The following ENO4 variants were observed in gnomAD, a reference collection of about 807,000 sequenced individuals.
ENO4 encodes the protein 2-phospho-D-glycerate hydro-lyase.
Under a neutral mutation model 63.2 loss-of-function variants are expected in ENO4, and 53 were observed. That is an observed-to-expected ratio of 0.84 (90% confidence interval 0.67 to 1.05). The LOEUF (loss-of-function observed/expected upper bound fraction) is 1.05. ENO4 is among the 50% of genes least tolerant of loss of function. ENO4 has a pLI of 0.00. For synonymous variants in ENO4, 266 were observed against 283.8 expected (o/e 0.94, Z 0.63); for missense variants, 719 against 772.0 (o/e 0.93, Z 0.81).
rs1846398265 is a variant in ENO4 at position 116,861,146 on chromosome 10, A to G, written c.892A>G (p.Lys298Glu). The G allele has an allele frequency of 6.5e-7, 1 of 1,546,376 alleles. No homozygotes were observed. The highest frequency in any genetic ancestry group is 1.2e-5 in the South Asian group (1 of 83,744). The part of the protein sequence containing the change: ...KSSSGKLNLM[K>E]EVICIPHPEL... ...ATCATCTGGGAAGCTAAATTTAATG[A>G]AAGAAGTGATTTGTATACCCCATCC... Residue 298 changes from lysine to glutamate, a missense_variant, in exon 6 of 14, where the codon AAA becomes GAA. Physicochemically the swap from Lys to Glu is moderately conservative, Grantham distance 56 (BLOSUM62 1). Around this residue, in one of 3 missense-constraint regions of ENO4, gnomAD observed 544 missense variants for 583.6 expected, o/e 0.93. Coordinates refer to ENST00000341276, the MANE Select transcript of ENO4 (RefSeq NM_001242699.2).
At chr10:116,868,045 T>G (rs1022398760) in intron 7 of ENO4, among the ~76,000 whole-genome samples, 3 of 152,326 alleles carry the variant, frequency 2.0e-5, no homozygotes, top group South Asian at 4.1e-4. Flanking sequence ...TGCAATAATA[T>G]GCACCCAATA....
downstream of ENO4, chr10:116,886,362 T>C: frequency 6.4e-7 from 1 of 1,554,490 alleles, no homozygotes; most frequent in Non-Finnish European, 8.7e-7. Flanking sequence ...TGGAGCTGTC[T>C]GTCTCTCTCA....
At chr10:116,889,326 G>C (rs994191321) in intron 10 of ENO4, among the ~76,000 whole-genome samples, 1 of 152,208 alleles carries the variant, frequency 6.6e-6, no homozygotes, top group African/African-American at 2.4e-5. Flanking sequence ...TCAGTCCAAA[G>C]AACGATCTCC....
intron 10 of ENO4, among the ~76,000 whole-genome samples, chr10:116,899,505 T>TGGGG (rs1035576265): frequency 2.0e-5 from 2 of 101,898 alleles, no homozygotes; most frequent in African/African-American, 1.0e-4. Context: ...TGGCTGGGGC[T>TGGGG]GGTGTGTGTG....
chr10:116,881,232 T>C (rs772101459), intron 13 of ENO4, among the ~76,000 whole-genome samples: 5 of 152,176 alleles, frequency 3.3e-5, no homozygotes, highest in Non-Finnish European at 5.9e-5. Context: ...TTTATCACCT[T>C]CCTCTTAACC....
intron 11 of ENO4, among the ~76,000 whole-genome samples, chr10:116,877,756 T>TA: frequency 6.6e-6 from 1 of 152,230 alleles, no homozygotes; most frequent in East Asian, 1.9e-4. Context: ...GAGAGCAGCT[T>TA]TACTTAAGAC....
chr10:116,867,904 T>A (rs774596201), intron 7 of ENO4, among the ~76,000 whole-genome samples: 2 of 152,222 alleles, frequency 1.3e-5, no homozygotes, highest in Non-Finnish European at 2.9e-5. Flanking sequence ...ATCACATGAC[T>A]TCCCTTTGCC....
chr10:116,905,984 G>C (rs1847954466), intron 10 of ENO4, among the ~76,000 whole-genome samples: 1 of 152,194 alleles, frequency 6.6e-6, no homozygotes, highest in South Asian at 2.1e-4. Flanking sequence ...TATAGTCAGT[G>C]ACAGAGCTGG....
rs972729910 is a variant in ENO4 at position 116,849,861 on chromosome 10, T to A, written c.165+130T>A. 1.6e-5 allele frequency: 17 copies of A among 1,073,382 alleles called. No homozygotes were observed. The East Asian group carries it at 3.7e-4, about 23-fold the overall frequency. 66.5% of individuals were successfully genotyped at this position (1,073,382 alleles called of 1,614,324 possible). A position where few individuals can be genotyped will look rare whatever the true frequency, so the allele number is the denominator to read the frequency against. On this transcript the variant is annotated intron_variant, in intron 1 of 13. Coordinates refer to ENST00000341276, the MANE Select transcript of ENO4 (RefSeq NM_001242699.2). ...CAGCCGCCCGGGCCCTGGGCCTGCG[T>A]GTGCGGAGGAGACTTCTGGAGGGAA...
At chr10:116,885,638 T>G (rs1847142976), downstream of ENO4, 1 of 152,480 alleles carries the variant, frequency 6.6e-6, no homozygotes, top group African/African-American at 2.4e-5. Flanking sequence ...AACTTACTAC[T>G]GTAAAATTCA....
chr10:116,857,989 C>T (rs1334538235), intron 3 of ENO4, among the ~76,000 whole-genome samples: 1 of 151,896 alleles, frequency 6.6e-6, no homozygotes, highest in Non-Finnish European at 1.5e-5. Context: ...GAATGCTATT[C>T]CTCTATTCCT....
At chr10:116,908,439 T>C (rs992569846) in intron 10 of ENO4, among the ~76,000 whole-genome samples, 1 of 152,166 alleles carries the variant, frequency 6.6e-6, no homozygotes, top group African/African-American at 2.4e-5. Flanking sequence ...ACTGACAAGA[T>C]ACAGAAAATA....
At position 116,860,948 on chromosome 10, in the gene ENO4, A is replaced by C. The variant is rs11197835; in HGVS notation, c.789A>C (p.Leu263=). The C allele has an allele frequency of 0.46, 707,395 of 1,540,652 alleles. 173,196 individuals are homozygous for C. The highest frequency in any genetic ancestry group is 0.51 in the Non-Finnish European group (580,364 of 1,139,596). ...AACCTCTGTACTTAAATATCGCTCT[A>C]CTGAAGCACAATCAGGTTAGTATCT... The part of the protein sequence containing the change: ...LNKPLYLNIA[L]LKHNQEQPTT... Residue 263 remains leucine (L), a synonymous_variant, in exon 5 of 14, where the codon CTA becomes CTC. Transcript: ENST00000341276.
chr10:116,911,034 G>C (rs1049578117), intron 10 of ENO4, among the ~76,000 whole-genome samples: 1 of 152,200 alleles, frequency 6.6e-6, no homozygotes, highest in Non-Finnish European at 1.5e-5. Flanking sequence ...ATTCAGTCTT[G>C]TACCTCCGCC....
chr10:116,894,537 G>A (rs766790820), intron 10 of ENO4, among the ~76,000 whole-genome samples: 1 of 152,172 alleles, frequency 6.6e-6, no homozygotes, highest in South Asian at 2.1e-4. Flanking sequence ...AGAATCTCTG[G>A]CAATTAATTG....
downstream of ENO4, chr10:116,882,633 A>G (rs944246946): frequency 6.6e-6 from 1 of 152,202 alleles, no homozygotes; most frequent in African/African-American, 2.4e-5. Flanking sequence ...GGAGTTGGCT[A>G]AGTTTAGACT....
chr10:116,854,940 C>CAAA (rs71013620), intron 1 of ENO4, among the ~76,000 whole-genome samples: 785 of 41,122 alleles, frequency 0.019, 1 homozygote, highest in Non-Finnish European at 0.02. Context: ...GACCCTGTCT[C>CAAA]AAAAAAAAAA....
intron 1 of ENO4, among the ~76,000 whole-genome samples, chr10:116,854,218 G>A (rs778819888): frequency 4.1e-4 from 63 of 152,228 alleles, no homozygotes; most frequent in Non-Finnish European, 8.4e-4. Context: ...CAGCCGTCAC[G>A]TAAGTCTTCA....
intron 10 of ENO4, among the ~76,000 whole-genome samples, chr10:116,909,744 A>G (rs1398168475): frequency 6.6e-6 from 1 of 152,178 alleles, no homozygotes; most frequent in African/African-American, 2.4e-5. Context: ...CTTGTTTTCT[A>G]CCTGGGGGCT....
Sources: gnomAD v4.1 joint callset for allele counts (sites outside exome capture counted in the v4.1 genomes callset) on GRCh38, gnomAD v4.1.1 for gene constraint, gnomAD v4.1.1 regional missense constraint, MANE v1.5 for transcripts, NCBI Gene and HGNC (gene_info 2026-07-23, HGNC 2026-07-21) for gene names.